PAX7: variants seen among roughly 807,000 people sequenced by gnomAD.
The protein encoded by PAX7 is paired box protein Pax-7.
Under a neutral mutation model 50.7 loss-of-function variants are expected in PAX7, and 18 were observed. That is an observed-to-expected ratio of 0.36 (90% confidence interval 0.25 to 0.53). PAX7 has a LOEUF of 0.53. Ranked by LOEUF, PAX7 falls within the 20% of genes least tolerant of loss-of-function variation. PAX7 has a pLI of 0.93. For synonymous variants in PAX7, 310 were observed against 290.4 expected (o/e 1.07, Z -0.69); for missense variants, 644 against 702.9 (o/e 0.92, Z 0.95).
intron 4 of PAX7, among the ~76,000 whole-genome samples, chr1:18,642,470 CCATGA>C: frequency 6.6e-6 from 1 of 152,136 alleles, no homozygotes; most frequent in South Asian, 2.1e-4. Flanking sequence ...GCCTTGAAGG[CCATGA>C]CTAAGGGGGG....
At chr1:18,683,750 G>A (rs1277098594) in intron 4 of PAX7, among the ~76,000 whole-genome samples, 4 of 152,226 alleles carry the variant, frequency 2.6e-5, no homozygotes, top group Admixed American at 6.5e-5. Context: ...TAAGGCATGA[G>A]AATCACTTGA....
intron 4 of PAX7, among the ~76,000 whole-genome samples, chr1:18,651,331 G>A (rs1331070980): frequency 6.6e-6 from 1 of 152,154 alleles, no homozygotes; most frequent in Admixed American, 6.5e-5. Flanking sequence ...AAATGTATAT[G>A]CATATATTTT....
At chr1:18,654,093 A>G (rs2088476470) in intron 4 of PAX7, among the ~76,000 whole-genome samples, 1 of 152,168 alleles carries the variant, frequency 6.6e-6, no homozygotes, top group Non-Finnish European at 1.5e-5. Context: ...AACAATGGCA[A>G]GACCTAGGAA....
chr1:18,691,878 G>A lies in PAX7; in HGVS notation c.711G>A (p.Glu237=), dbSNP rs1403993789. 1.2e-6 allele frequency: 2 copies of A among 1,613,916 alleles called. No individual in the cohort carries two copies. The highest frequency in any genetic ancestry group is 2.7e-5 in the African/African-American group (2 of 74,940). The change falls in exon 5 of 9, where the codon GAG becomes GAA. Residue 237 remains glutamate, a synonymous_variant. Transcript: ENST00000420770. ...TGGAGGAGCTGGAGAAGGCCTTTGA[G>A]AGGACCCACTACCCAGACATATACA... ...EQLEELEKAF[E]RTHYPDIYTR...
At position 18,700,861 on chromosome 1, in the gene PAX7, T is replaced by C; in HGVS notation, c.952+43T>C. The C allele has an allele frequency of 1.5e-6, 2 of 1,339,308 alleles. No individual in the cohort carries two copies. Among genetic ancestry groups the C allele is most frequent in the Non-Finnish European group, 1.9e-6 (2 of 1,031,880 alleles). 83.0% of individuals were successfully genotyped at this position (1,339,308 alleles called of 1,614,324 possible). A position where few individuals can be genotyped will look rare whatever the true frequency, so the allele number is the denominator to read the frequency against. On this transcript the variant is annotated intron_variant, in intron 6 of 8. Transcript: ENST00000420770. The surrounding 1 kb of genome is among the most constrained non-coding windows in gnomAD (Gnocchi z 4.8). ...GTCCTGCCATCTCAGTGGTGCCCCT[T>C]CCCTTCTTTCTTTACTTTCACTTAC...
At chr1:18,670,941 C>T (rs916178821) in intron 4 of PAX7, among the ~76,000 whole-genome samples, 3 of 152,318 alleles carry the variant, frequency 2.0e-5, no homozygotes, top group Admixed American at 1.3e-4. Context: ...GCTCAGAACT[C>T]ACCCAACTCC....
chr1:18,717,675 G>A (rs750762590), intron 7 of PAX7, among the ~76,000 whole-genome samples: 1 of 152,172 alleles, frequency 6.6e-6, no homozygotes, highest in Admixed American at 6.5e-5. Context: ...GGCTCTTGGC[G>A]TGTGTCCCCA....
At position 18,683,363 on chromosome 1, in the gene PAX7, A is replaced by G. The variant is rs2088926233; in HGVS notation, c.587-8391A>G. Reference sequence around the variant, plus strand: ...TAAATTTCGTTTTCTTTGAACATTCAGTTGTTACCAACCCAGCACTACTTT... The same window carrying G: ...TAAATTTCGTTTTCTTTGAACATTCGGTTGTTACCAACCCAGCACTACTTT... On this transcript the variant is annotated intron_variant, in intron 4 of 8. Transcript: ENST00000420770. 2.0e-5 allele frequency among the ~76,000 whole-genome samples: 3 copies of G among 152,180 alleles called. No individual in the cohort carries two copies. In the South Asian group the frequency reaches 6.2e-4, roughly 31 times the overall value.
chr1:18,640,806 G>A (rs2088239652), intron 4 of PAX7, among the ~76,000 whole-genome samples: 1 of 151,416 alleles, frequency 6.6e-6, no homozygotes, highest in Non-Finnish European at 1.5e-5. Context: ...ACCAGAGGGA[G>A]AGAGGGAGGG....
At chr1:18,690,566 C>T (rs115857663) in intron 4 of PAX7, among the ~76,000 whole-genome samples, 5,142 of 152,332 alleles carry the variant, frequency 0.034, 134 homozygotes, top group East Asian at 0.081. Flanking sequence ...TTCCTGCAGC[C>T]TCCCTAGCTT....
intron 4 of PAX7, among the ~76,000 whole-genome samples, chr1:18,639,395 A>ATTTTT (rs3079731): frequency 0.13 from 19,313 of 149,060 alleles, 1,301 homozygotes; most frequent in East Asian, 0.24. Context: ...GGCTGTTCAT[A>ATTTTT]TTTTTTTTTT....
At chr1:18,741,133 G>C (rs1407917743) in intron 8 of PAX7, among the ~76,000 whole-genome samples, 1 of 152,186 alleles carries the variant, frequency 6.6e-6, no homozygotes, top group African/African-American at 2.4e-5. Flanking sequence ...AGCTAGAAGA[G>C]AGGATTTGAA....
intron 7 of PAX7, among the ~76,000 whole-genome samples, chr1:18,714,784 C>G (rs1354009805): frequency 6.6e-6 from 1 of 152,254 alleles, no homozygotes; most frequent in Non-Finnish European, 1.5e-5. Flanking sequence ...TCCGCACCTC[C>G]TTCCTGCCTC....
intron 5 of PAX7, among the ~76,000 whole-genome samples, chr1:18,692,811 G>C (rs570996280): frequency 2.0e-5 from 3 of 152,188 alleles, no homozygotes; most frequent in Non-Finnish European, 4.4e-5. Flanking sequence ...CCCCTCCATG[G>C]CCTCAATATA....
intron 7 of PAX7, among the ~76,000 whole-genome samples, chr1:18,712,436 G>C (rs1029345340): frequency 6.6e-6 from 1 of 152,210 alleles, no homozygotes; most frequent in South Asian, 2.1e-4. Flanking sequence ...TCGTGTTTAT[G>C]TCTCTGCCTT....
At chr1:18,695,124 AC>A (rs1292612806) in intron 5 of PAX7, among the ~76,000 whole-genome samples, 1 of 151,374 alleles carries the variant, frequency 6.6e-6, no homozygotes, top group Non-Finnish European at 1.5e-5. Context: ...TCCATGTCTT[AC>A]CCTTTCCACC....
At chr1:18,711,558 G>C (rs977663081) in intron 7 of PAX7, among the ~76,000 whole-genome samples, 1 of 152,126 alleles carries the variant, frequency 6.6e-6, no homozygotes, top group Admixed American at 6.5e-5. Flanking sequence ...AGGAGAAGGT[G>C]CCAGGTGCAG....
At chr1:18,740,988 G>A (rs1285026104) in intron 8 of PAX7, among the ~76,000 whole-genome samples, 1 of 152,168 alleles carries the variant, frequency 6.6e-6, no homozygotes, top group Non-Finnish European at 1.5e-5. Context: ...CTAGAGGCAG[G>A]GAAGCAGGGA....
intron 4 of PAX7, among the ~76,000 whole-genome samples, chr1:18,645,596 G>T (rs1295923011): frequency 6.6e-6 from 1 of 152,222 alleles, no homozygotes; most frequent in Non-Finnish European, 1.5e-5. Context: ...TCAGGCCGAG[G>T]TCTTTCGGTG....
Sources: gnomAD v4.1 joint callset for allele counts (sites outside exome capture counted in the v4.1 genomes callset) on GRCh38, gnomAD v4.1.1 for gene constraint, Gnocchi (gnomAD v3.1) non-coding constraint, MANE v1.5 for transcripts, NCBI Gene and HGNC (gene_info 2026-07-23, HGNC 2026-07-21) for gene names.